FUT9: variants seen among roughly 807,000 people sequenced by gnomAD.
The protein encoded by FUT9 is fucosyltransferase 9.
In FUT9, 15 loss-of-function variants were observed where a neutral mutation model predicts 29.7. The observed-to-expected ratio is 0.51, with a 90% CI of 0.34 to 0.78. The LOEUF (loss-of-function observed/expected upper bound fraction) is 0.78. FUT9 is among the 30% of genes least tolerant of loss of function. The pLI is 0.01. For missense variants in FUT9, 319 were observed against 425.4 expected, an observed-to-expected ratio of 0.75 and a Z score of 2.20; for synonymous variants, 169 against 153.7, an observed-to-expected ratio of 1.10 and a Z score of -0.74.
At chr6:96,187,001 G>A (rs1773416908) in intron 2 of FUT9, among the ~76,000 whole-genome samples, 1 of 152,076 alleles carries the variant, frequency 6.6e-6, no homozygotes, top group Non-Finnish European at 1.5e-5. Flanking sequence ...CATGGCCCAA[G>A]CAAGTTAACA....
chr6:96,068,582 C>A (rs113271749), intron 1 of FUT9, among the ~76,000 whole-genome samples: 1 of 150,958 alleles, frequency 6.6e-6, no homozygotes, highest in South Asian at 2.1e-4. Context: ...CTTCCTCTAT[C>A]GCATTGATTA....
chr6:96,025,684 G>A (rs1010534295), intron 1 of FUT9, among the ~76,000 whole-genome samples: 1 of 151,556 alleles, frequency 6.6e-6, no homozygotes, highest in Admixed American at 6.6e-5. Flanking sequence ...AATTAACTTG[G>A]AATATTTAAT....
In FUT9 at chr6:96,058,097, C is replaced by T. The variant is rs117374783; in HGVS notation, c.-98+41885C>T. Among the ~76,000 whole-genome samples, 853 of 152,018 alleles carry T rather than the reference C, an allele frequency of 5.6e-3. 14 individuals are homozygous for T. The highest frequency in any genetic ancestry group is 0.048 in the East Asian group (248 of 5,132). ...TTATAACGGGTCAATAGCAGACGGG[C>T]GGTAACTGATCTCCTTATTTCAGAG... is the stretch of plus-strand genomic sequence containing the variant. On this transcript the variant is annotated intron_variant, in intron 1 of 2. Coordinates refer to ENST00000302103, the MANE Select transcript of FUT9 (RefSeq NM_006581.4).
chr6:96,053,919 A>G (rs1441974788), intron 1 of FUT9, among the ~76,000 whole-genome samples: 1 of 152,170 alleles, frequency 6.6e-6, no homozygotes, highest in Non-Finnish European at 1.5e-5. Context: ...TTGTGAAATT[A>G]TATTTGTGAA....
At chr6:96,050,844 GTTTAC>G (rs1171249089) in intron 1 of FUT9, among the ~76,000 whole-genome samples, 5 of 152,246 alleles carry the variant, frequency 3.3e-5, no homozygotes, top group African/African-American at 1.2e-4. Context: ...TTACAATGCA[GTTTAC>G]TTAATTTATT....
At chr6:96,035,479 A>C (rs1770336370) in intron 1 of FUT9, among the ~76,000 whole-genome samples, 1 of 150,634 alleles carries the variant, frequency 6.6e-6, no homozygotes, top group Admixed American at 6.7e-5. Context: ...ATTTCCTTTT[A>C]TCTCTTAATA....
intron 2 of FUT9, among the ~76,000 whole-genome samples, chr6:96,173,775 A>ATT (rs11438567): frequency 3.3e-5 from 5 of 151,582 alleles, no homozygotes; most frequent in Non-Finnish European, 7.4e-5. Flanking sequence ...AATCACACAA[A>ATT]TTTTTTTTCT....
At chr6:96,165,789 T>C (rs1773005192) in intron 2 of FUT9, among the ~76,000 whole-genome samples, 1 of 152,054 alleles carries the variant, frequency 6.6e-6, no homozygotes, top group Non-Finnish European at 1.5e-5. Context: ...TTAATTTTTG[T>C]ATTTTTAGTC....
intron 2 of FUT9, among the ~76,000 whole-genome samples, chr6:96,173,256 T>A (rs1773145904): frequency 6.6e-6 from 1 of 152,176 alleles, no homozygotes; most frequent in African/African-American, 2.4e-5. Context: ...AGTCTCTCTG[T>A]AGAATTATGC....
intron 2 of FUT9, among the ~76,000 whole-genome samples, chr6:96,134,828 A>G (rs1375537891): frequency 1.3e-5 from 2 of 151,930 alleles, no homozygotes; most frequent in Non-Finnish European, 2.9e-5. Context: ...CGTGTAGTAT[A>G]GTTTGAATAT....
intron 2 of FUT9, among the ~76,000 whole-genome samples, chr6:96,157,438 C>T (rs1268319221): frequency 6.6e-6 from 1 of 151,978 alleles, no homozygotes; most frequent in Non-Finnish European, 1.5e-5. Flanking sequence ...AAGAGAATGC[C>T]TAATAAAATG....
chr6:96,103,768 C>T (rs543806114), intron 1 of FUT9, among the ~76,000 whole-genome samples: 157 of 152,164 alleles, frequency 1.0e-3, no homozygotes, highest in Non-Finnish European at 1.4e-3. Flanking sequence ...TCCATCTTTT[C>T]TTTATTGACG....
At chr6:96,136,104 G>A (rs1178035659) in intron 2 of FUT9, among the ~76,000 whole-genome samples, 1 of 151,652 alleles carries the variant, frequency 6.6e-6, no homozygotes, top group African/African-American at 2.4e-5. Context: ...AATCCTTAAT[G>A]ATTGCCTTTA....
At position 96,081,204 on chromosome 6, in the gene FUT9, A is replaced by C. The variant is rs534429700; in HGVS notation, c.-97-32835A>C. On this transcript the variant is annotated intron_variant, in intron 1 of 2. Transcript: ENST00000302103. ...GAATATTTAACATCATAAATAAAACAATATCAATAATTTTGAGGCTCCTTA... is the reference window on the plus strand; with the variant it reads ...GAATATTTAACATCATAAATAAAACCATATCAATAATTTTGAGGCTCCTTA... 2.6e-5 allele frequency among the ~76,000 whole-genome samples: 4 copies of C among 152,010 alleles called. No individual in the cohort carries two copies. In the South Asian group the frequency reaches 8.3e-4, roughly 32 times the overall value.
chr6:96,159,444 C>G (rs1285452142), intron 2 of FUT9, among the ~76,000 whole-genome samples: 1 of 152,056 alleles, frequency 6.6e-6, no homozygotes, highest in East Asian at 1.9e-4. Flanking sequence ...GAAATTAGAA[C>G]ATAAATTATT....
intron 2 of FUT9, among the ~76,000 whole-genome samples, chr6:96,177,138 T>C (rs186334468): frequency 6.6e-6 from 1 of 152,304 alleles, no homozygotes; most frequent in African/African-American, 2.4e-5. Flanking sequence ...CCCAGAGAAC[T>C]TCCCTCAATC....
At position 96,161,583 on chromosome 6, in the gene FUT9, T is replaced by A. The variant is rs188760077; in HGVS notation, c.-8-41565T>A. 2.6e-5 allele frequency among the ~76,000 whole-genome samples: 4 copies of A among 152,308 alleles called. No homozygotes were observed. In the East Asian group the frequency reaches 5.8e-4, roughly 22 times the overall value. The stretch of plus-strand genomic sequence containing the variant: ...GACATCTTTTGAAGAATTTAAATAG[T>A]TTCAGTGTTAGAGGTGACTGCCTGA... On this transcript the variant is annotated intron_variant, in intron 2 of 2. Coordinates refer to ENST00000302103, the MANE Select transcript of FUT9 (RefSeq NM_006581.4).
chr6:96,196,140 G>T (rs1190492892), intron 2 of FUT9, among the ~76,000 whole-genome samples: 1 of 152,124 alleles, frequency 6.6e-6, no homozygotes, highest in Non-Finnish European at 1.5e-5. Context: ...GGAATAGAGA[G>T]GTGGTGATCT....
chr6:96,185,285 T>C (rs1028798357), intron 2 of FUT9, among the ~76,000 whole-genome samples: 1 of 152,080 alleles, frequency 6.6e-6, no homozygotes, highest in Non-Finnish European at 1.5e-5. Flanking sequence ...GAAAATGATA[T>C]AAGCCTAAAC....
Sources: allele counts gnomAD v4.1 joint callset (sites outside exome capture counted in the v4.1 genomes callset), GRCh38; gene constraint gnomAD v4.1.1; transcripts MANE v1.5; gene names NCBI Gene and HGNC (gene_info 2026-07-23, HGNC 2026-07-21).